GSDMC: variants seen among roughly 807,000 people sequenced by gnomAD.
GSDMC encodes gasdermin-C.
Under a neutral mutation model 58.0 loss-of-function variants are expected in GSDMC, and 59 were observed. The ratio of observed to expected loss-of-function variants is 1.02; its 90% CI spans 0.82 to 1.26. The LOEUF (loss-of-function observed/expected upper bound fraction) is 1.26. Ranked by LOEUF, GSDMC falls within the 50% of genes most tolerant of loss-of-function variation. The pLI is 0.00. For synonymous variants in GSDMC, 241 were observed against 220.2 expected (o/e 1.09, Z -0.83); for missense variants, 659 against 598.5 (o/e 1.10, Z -1.06).
At chr8:129,785,779 T>C (rs1054247434) in intron 1 of GSDMC, among the ~76,000 whole-genome samples, 2 of 152,130 alleles carry the variant, frequency 1.3e-5, no homozygotes, top group African/African-American at 4.8e-5. Flanking sequence ...ATAATGAGAA[T>C]ATAAGATGCT....
At chr8:129,777,277 G>A (rs896627564) in intron 2 of GSDMC, 91 bp downstream of exon 2, 6 of 762,198 alleles carry the variant, frequency 7.9e-6, no homozygotes, top group Non-Finnish European at 8.8e-6. Flanking sequence ...GCTCCTTTCT[G>A]TGTGCTCAGT....
intron 6 of GSDMC, among the ~76,000 whole-genome samples, chr8:129,758,199 TA>T (rs2130407484): frequency 6.6e-6 from 1 of 152,146 alleles, no homozygotes; most frequent in South Asian, 2.1e-4. Flanking sequence ...AAAAACCAGG[TA>T]TAGAAGAAAG....
the GSDMC span, among the ~76,000 whole-genome samples, chr8:129,740,823 T>A: frequency 6.6e-6 from 1 of 152,216 alleles, no homozygotes; most frequent in Non-Finnish European, 1.5e-5. Flanking sequence ...TTTCTTCCTT[T>A]ACTGCACAGA....
At chr8:129,732,509 A>C in the GSDMC span, among the ~76,000 whole-genome samples, 1 of 152,240 alleles carries the variant, frequency 6.6e-6, no homozygotes, top group Non-Finnish European at 1.5e-5. Context: ...AGGAACCAGC[A>C]CAAAAAATCT....
At chr8:129,709,583 A>AGAT in the GSDMC span, among the ~76,000 whole-genome samples, 7 of 143,678 alleles carry the variant, frequency 4.9e-5, no homozygotes, top group South Asian at 2.3e-4. Flanking sequence ...GATGATAGAT[A>AGAT]GATAGATGAT....
chr8:129,733,437 G>A, the GSDMC span, among the ~76,000 whole-genome samples: 206 of 152,238 alleles, frequency 1.4e-3, no homozygotes, highest in African/African-American at 4.7e-3. Flanking sequence ...TCATACAGGC[G>A]GATGCCCCTC....
chr8:129,779,786 C>T (rs1444701224), intron 1 of GSDMC, among the ~76,000 whole-genome samples: 1 of 152,038 alleles, frequency 6.6e-6, no homozygotes, highest in African/African-American at 2.4e-5. Context: ...CTAAGTAAGG[C>T]ACCAGGGACC....
chr8:129,709,820 C>T, the GSDMC span, among the ~76,000 whole-genome samples: 2 of 152,202 alleles, frequency 1.3e-5, no homozygotes, highest in East Asian at 3.8e-4. Context: ...CTCTTTCCTA[C>T]AATAAGGCTT....
Position 129,749,887 on chromosome 8 carries a change from T to C in GSDMC, c.1213+103A>G, listed in dbSNP as rs562307550. ...GCTGTGATGTAAGGACGAAAGATCA[T>C]GGCATTCAAAGGGCTTTGGAGACAC... On this transcript the variant is annotated intron_variant, in intron 12 of 13. Coordinates refer to ENST00000276708, the MANE Select transcript of GSDMC (RefSeq NM_031415.3). The C allele has an allele frequency of 1.5e-3, 1,342 of 888,946 alleles. 2 individuals are homozygous for C. Among genetic ancestry groups the C allele is most frequent in the Admixed American group, 3.5e-3 (130 of 37,548 alleles). 55.1% of individuals were successfully genotyped at this position (888,946 alleles called of 1,614,324 possible). A position where few individuals can be genotyped will look rare whatever the true frequency, so the allele number is the denominator to read the frequency against.
At chr8:129,764,406 G>A (rs2033784849) in intron 4 of GSDMC, among the ~76,000 whole-genome samples, 1 of 152,152 alleles carries the variant, frequency 6.6e-6, no homozygotes, top group South Asian at 2.1e-4. Context: ...TGTTGTAGGG[G>A]TAGAAAGGGT....
chr8:129,776,255 C>G lies in GSDMC; in HGVS notation c.251G>C (p.Ser84Thr). 6.2e-7 allele frequency: 1 copy of G among 1,613,184 alleles called. No homozygotes were observed. Among genetic ancestry groups the G allele is most frequent in the Non-Finnish European group, 8.5e-7 (1 of 1,179,580 alleles). The change falls in exon 3 of 14, where the codon AGT (serine) becomes ACT (threonine). Residue 84 changes from serine (S) to threonine (T), a missense_variant. Physicochemically the swap from Ser to Thr is moderately conservative, Grantham distance 58. Coordinates refer to ENST00000276708, the MANE Select transcript of GSDMC (RefSeq NM_031415.3). ...CTTATGCTTCTGGATCATAATGTCA[C>G]TGAAGTGGAACGGTCCTGTCACAAC... Reference protein sequence around the residue: ...ETVVTGPFHFSDIMIQKHKAD... With the variant: ...ETVVTGPFHFTDIMIQKHKAD...
At chr8:129,750,793 G>A (rs886878676) in intron 10 of GSDMC, among the ~76,000 whole-genome samples, 2 of 152,178 alleles carry the variant, frequency 1.3e-5, no homozygotes, top group Non-Finnish European at 2.9e-5. Flanking sequence ...GGGAAATAGG[G>A]TACTGGGAGC....
At chr8:129,742,735 C>T in the GSDMC span, among the ~76,000 whole-genome samples, 3 of 152,264 alleles carry the variant, frequency 2.0e-5, no homozygotes, top group Admixed American at 6.5e-5. Context: ...TTTCTCAAGG[C>T]TCACTGTCCT....
intron 3 of GSDMC, among the ~76,000 whole-genome samples, 181 bp from the exon 4 acceptor site, chr8:129,765,974 A>T (rs905239240): frequency 1.3e-5 from 2 of 152,192 alleles, no homozygotes; most frequent in Non-Finnish European, 2.9e-5. Flanking sequence ...GATAGAGGAG[A>T]TCCCAATGAT....
At chr8:129,762,516 G>A in intron 5 of GSDMC, 110 bp downstream of exon 5, 1 of 743,904 alleles carries the variant, frequency 1.3e-6, no homozygotes, top group South Asian at 1.5e-5. Context: ...CCTTGGATAG[G>A]CAGAGCATCA....
chr8:129,749,958 A>G (rs369147322), intron 12 of GSDMC, 32 bp downstream of exon 12: 1 of 1,552,998 alleles, frequency 6.4e-7, no homozygotes, highest in African/African-American at 1.4e-5. Context: ...CAATCTTGTG[A>G]TTCTCCCATT....
chr8:129,746,679 A>G (rs1056737803), downstream of GSDMC, among the ~76,000 whole-genome samples: 26 of 152,208 alleles, frequency 1.7e-4, no homozygotes, highest in African/African-American at 5.8e-4. Context: ...TTAGATGTAT[A>G]TGCAAAGAGT....
the GSDMC span, among the ~76,000 whole-genome samples, chr8:129,739,562 T>C: frequency 6.6e-6 from 1 of 152,162 alleles, no homozygotes. Flanking sequence ...ATGACGGTGG[T>C]CCCATAAGAT....
At chr8:129,740,915 G>A in the GSDMC span, among the ~76,000 whole-genome samples, 2 of 152,018 alleles carry the variant, frequency 1.3e-5, no homozygotes, top group Non-Finnish European at 2.9e-5. Flanking sequence ...ATAAATCATT[G>A]CCCAGACCAG....
Sources: allele counts gnomAD v4.1 joint callset (sites outside exome capture counted in the v4.1 genomes callset), GRCh38; gene constraint gnomAD v4.1.1; transcripts MANE v1.5; gene names NCBI Gene and HGNC (gene_info 2026-07-23, HGNC 2026-07-21).